DNAJA2: variants seen among roughly 807,000 people sequenced by gnomAD.
DNAJA2 encodes dnaJ homolog subfamily A member 2.
A neutral mutation model predicts 49.3 loss-of-function variants in DNAJA2; 6 were observed. The observed-to-expected ratio is 0.12, with a 90% CI of 0.07 to 0.24. The LOEUF (loss-of-function observed/expected upper bound fraction) is 0.24, where lower values mean the gene tolerates loss of function less well. Ranked by LOEUF, DNAJA2 falls within the 10% of genes least tolerant of loss-of-function variation. The pLI is 1.00. For missense variants in DNAJA2, 347 were observed against 516.8 expected, an observed-to-expected ratio of 0.67 and a Z score of 3.19; for synonymous variants, 160 against 172.7, an observed-to-expected ratio of 0.93 and a Z score of 0.58.
At chr16:46,957,357 C>G in intron 8 of DNAJA2, 137 bp from the exon 9 acceptor site, 1 of 819,922 alleles carries the variant, frequency 1.2e-6, no homozygotes, top group Admixed American at 2.6e-5. Context: ...TCCCACCCAG[C>G]ACTTTGGAAG....
rs868478675 is a variant in DNAJA2 at position 46,963,433 on chromosome 16, T to C, written c.774+1178A>G. ...CCTGTAATCCCAGCACTTTGGGAAG[T>C]TGAGACAGGAGGATCGCTTGAGCTC... is the stretch of plus-strand genomic sequence containing the variant. On this transcript the variant is annotated intron_variant, in intron 6 of 8. Coordinates refer to ENST00000317089, the MANE Select transcript of DNAJA2 (RefSeq NM_005880.4). Among the ~76,000 whole-genome samples the C allele has an allele frequency of 2.6e-5, 4 of 151,928 alleles. 1 individual carries two copies. Among genetic ancestry groups the C allele is most frequent in the Non-Finnish European group, 4.4e-5 (3 of 67,934 alleles).
chr16:46,964,392 C>T (rs1327926361), intron 6 of DNAJA2, among the ~76,000 whole-genome samples: 1 of 152,036 alleles, frequency 6.6e-6, no homozygotes, highest in Admixed American at 6.6e-5. Flanking sequence ...GGGAAGAAAC[C>T]AAGCCAGGAC....
intron 1 of DNAJA2, 185 bp from the exon 2 acceptor site, chr16:46,972,140 G>C: frequency 1.8e-6 from 1 of 567,636 alleles, no homozygotes; most frequent in South Asian, 2.2e-5. Context: ...ATATAACCAA[G>C]TAGACAGCAG....
chr16:46,971,819 A>G, intron 2 of DNAJA2, 77 bp downstream of exon 2: 1 of 1,303,108 alleles, frequency 7.7e-7, no homozygotes, highest in South Asian at 1.2e-5. Flanking sequence ...TTTTTCCTGC[A>G]ACATTCCTCT....
intron 6 of DNAJA2, among the ~76,000 whole-genome samples, chr16:46,962,795 A>G (rs577742064): frequency 2.6e-5 from 4 of 152,362 alleles, no homozygotes; most frequent in East Asian, 3.9e-4. Flanking sequence ...GCCAAAATAC[A>G]TAATTTGTAG....
chr16:46,956,954 A>C lies in DNAJA2; in HGVS notation c.*75T>G. On this transcript the variant is annotated 3_prime_UTR_variant, in exon 9 of 9. Coordinates refer to ENST00000317089, the MANE Select transcript of DNAJA2 (RefSeq NM_005880.4). ...CTCAGTTCATCTGGATTGATAAGACACTCCAGCTGGATTGCTGAGAACAAA... is the reference window on the plus strand; with the variant it reads ...CTCAGTTCATCTGGATTGATAAGACCCTCCAGCTGGATTGCTGAGAACAAA... The C allele has an allele frequency of 6.5e-7, 1 of 1,530,706 alleles. No individual in the cohort carries two copies. The highest frequency in any genetic ancestry group is 1.4e-5 in the African/African-American group (1 of 73,358). 94.8% of individuals were successfully genotyped at this position (1,530,706 alleles called of 1,614,324 possible).
In DNAJA2 at chr16:46,967,482, C is replaced by G. The variant is rs374421996; in HGVS notation, c.577+31G>C. 5.6e-6 allele frequency: 9 copies of G among 1,612,500 alleles called. No individual in the cohort carries two copies. In the African/African-American group the frequency reaches 1.2e-4, roughly 22 times the overall value. On this transcript the variant is annotated intron_variant, in intron 5 of 8. Transcript: ENST00000317089. Reference sequence around the variant, plus strand: ...TATCTGCATTCCCAATCCATTCCAACATAAAAGCAGAGAAGTACTGGCACA... The same window carrying G: ...TATCTGCATTCCCAATCCATTCCAAGATAAAAGCAGAGAAGTACTGGCACA...
chr16:46,962,433 T>C (rs1961910151), intron 6 of DNAJA2, among the ~76,000 whole-genome samples: 1 of 151,978 alleles, frequency 6.6e-6, no homozygotes, highest in South Asian at 2.1e-4. Flanking sequence ...CTTCCTATCA[T>C]GCTGCTGCAC....
At chr16:46,971,258 G>T in intron 3 of DNAJA2, 91 bp downstream of exon 3, 2 of 1,115,874 alleles carry the variant, frequency 1.8e-6, no homozygotes, top group Non-Finnish European at 2.5e-6. Context: ...ATGAAGGACA[G>T]AACACTCTAT....
chr16:46,956,584 T>C lies in DNAJA2; in HGVS notation c.*445A>G, dbSNP rs1490442246. The C allele has an allele frequency of 1.3e-5, 2 of 155,562 alleles. No individual in the cohort carries two copies. The highest frequency in any genetic ancestry group is 2.9e-5 in the Non-Finnish European group (2 of 69,878). 9.6% of individuals were successfully genotyped at this position (155,562 alleles called of 1,614,324 possible). ...GCCCATTTTTTTCCATGCATCTAAATGATAGATACAGGCTATGAAATTCTT... is the reference window on the plus strand; with the variant it reads ...GCCCATTTTTTTCCATGCATCTAAACGATAGATACAGGCTATGAAATTCTT... On this transcript the variant is annotated 3_prime_UTR_variant, in exon 9 of 9. Transcript: ENST00000317089.
rs868192676 is a variant in DNAJA2 at position 46,961,710 on chromosome 16, G to A, written c.775-2291C>T. 3.9e-5 allele frequency among the ~76,000 whole-genome samples: 6 copies of A among 152,160 alleles called. 1 individual carries two copies. ...AGGATGGTTGTTGCAGCAGAGCGGG[G>A]AAGCTAAACAATTTGATGTTAAAAG... On this transcript the variant is annotated intron_variant, in intron 6 of 8. Transcript: ENST00000317089.
chr16:46,965,377 C>T (rs1394111622), intron 5 of DNAJA2, among the ~76,000 whole-genome samples: 1 of 152,090 alleles, frequency 6.6e-6, no homozygotes, highest in African/African-American at 2.4e-5. Flanking sequence ...AAAGCAAAAC[C>T]GTGATTATAC....
intron 4 of DNAJA2, 59 bp from the exon 5 acceptor site, chr16:46,967,705 T>C: frequency 1.2e-6 from 2 of 1,604,558 alleles, no homozygotes; most frequent in Middle Eastern, 1.7e-4. Context: ...CAATAAGCTA[T>C]GACACACAGA....
At chr16:46,971,796 G>T (rs947627469) in intron 2 of DNAJA2, 100 bp downstream of exon 2, 2 of 1,080,892 alleles carry the variant, frequency 1.9e-6, no homozygotes, top group Non-Finnish European at 2.8e-6. Context: ...GGCTGTGTGG[G>T]CATAGTTGGA....
intron 3 of DNAJA2, among the ~76,000 whole-genome samples, chr16:46,969,746 T>C (rs1434858534): frequency 2.0e-5 from 3 of 152,164 alleles, no homozygotes; most frequent in Non-Finnish European, 2.9e-5. Flanking sequence ...AAATAAATCA[T>C]AGAATGCAGT....
chr16:46,957,962 G>C (rs1350960182), intron 8 of DNAJA2, among the ~76,000 whole-genome samples: 1 of 151,922 alleles, frequency 6.6e-6, no homozygotes, highest in Non-Finnish European at 1.5e-5. Context: ...ATTTACACCA[G>C]CAATACCCCA....
intron 6 of DNAJA2, among the ~76,000 whole-genome samples, chr16:46,962,543 C>T (rs1961912866): frequency 6.6e-6 from 1 of 152,156 alleles, no homozygotes; most frequent in Admixed American, 6.5e-5. Context: ...ACAGTCTAAC[C>T]TCCAAGCAGA....
chr16:46,973,266 A>G (rs1962083249), intron 1 of DNAJA2, among the ~76,000 whole-genome samples: 1 of 151,324 alleles, frequency 6.6e-6, no homozygotes, highest in East Asian at 2.0e-4. Flanking sequence ...AGTGAGTTTT[A>G]TTTGCTGCAT....
intron 3 of DNAJA2, among the ~76,000 whole-genome samples, chr16:46,970,248 A>G (rs1450844590): frequency 1.3e-5 from 2 of 152,260 alleles, no homozygotes; most frequent in Admixed American, 6.5e-5. Flanking sequence ...GTGGATTCAC[A>G]GTCTAAGACC....
Sources: allele counts gnomAD v4.1 joint callset (sites outside exome capture counted in the v4.1 genomes callset), GRCh38; gene constraint gnomAD v4.1.1; transcripts MANE v1.5; gene names NCBI Gene and HGNC (gene_info 2026-07-23, HGNC 2026-07-21).